Variants in CNGB3 observed in about 807,000 individuals in gnomAD.
CNGB3 encodes the protein cyclic nucleotide gated channel subunit beta 3.
A neutral mutation model predicts 92.8 loss-of-function variants in CNGB3; 86 were observed. The ratio of observed to expected loss-of-function variants is 0.93; its 90% CI spans 0.78 to 1.11. The LOEUF (loss-of-function observed/expected upper bound fraction) is 1.11. Among genes scored for constraint, CNGB3 ranks in the 50% least tolerant of loss-of-function variants. The probability of loss-of-function intolerance (pLI) is 0.00; values close to 1 mark genes in which losing one functional copy is unlikely to be tolerated. For missense variants in CNGB3, 1,026 were observed against 956.8 expected, an observed-to-expected ratio of 1.07 and a Z score of -0.95; for synonymous variants, 333 against 332.7, an observed-to-expected ratio of 1.00 and a Z score of -0.01.
intron 15 of CNGB3, among the ~76,000 whole-genome samples, chr8:86,590,236 T>C (rs1375033381): frequency 2.0e-5 from 3 of 152,086 alleles, no homozygotes; most frequent in Non-Finnish European, 4.4e-5. Context: ...TGTGTGTCTC[T>C]GCATGTGAGA....
intron 10 of CNGB3, among the ~76,000 whole-genome samples, chr8:86,640,766 C>G (rs1823166422): frequency 3.2e-5 from 1 of 31,410 alleles, no homozygotes; most frequent in African/African-American, 3.4e-4. Context: ...AACTTTTTCT[C>G]TAAAATGGTT....
At chr8:86,577,440 A>G (rs756640062) in intron 17 of CNGB3, among the ~76,000 whole-genome samples, 1 of 152,220 alleles carries the variant, frequency 6.6e-6, no homozygotes, top group Non-Finnish European at 1.5e-5. Flanking sequence ...GTCTGTATAT[A>G]TACAGTTGAT....
Position 86,646,692 on chromosome 8 carries a change from G to A in CNGB3, c.990+1109C>T, listed in dbSNP as rs564534544. On this transcript the variant is annotated intron_variant, in intron 8 of 17. Coordinates refer to ENST00000320005, the MANE Select transcript of CNGB3 (RefSeq NM_019098.5). ...TCTTGTCTTCCCAAGATGCAAAATA[G>A]ATAATTACCTACAATTTATAAAGTC... Among the ~76,000 whole-genome samples the A allele has an allele frequency of 2.0e-5, 3 of 151,234 alleles. No homozygotes were observed. The East Asian group carries it at 5.8e-4, about 29-fold the overall frequency.
intron 3 of CNGB3, among the ~76,000 whole-genome samples, chr8:86,722,409 C>T (rs572047024): frequency 2.0e-5 from 3 of 152,118 alleles, no homozygotes; most frequent in African/African-American, 7.2e-5. Flanking sequence ...GTAAGTGTTT[C>T]ATTTGACAAG....
intron 6 of CNGB3, chr8:86,661,472 T>C: frequency 1.7e-6 from 1 of 602,788 alleles, no homozygotes; most frequent in Non-Finnish European, 3.2e-6. Context: ...CCCTGAGCTC[T>C]TTCATAAGTC....
At chr8:86,719,740 CA>C (rs1824930112) in intron 3 of CNGB3, among the ~76,000 whole-genome samples, 1 of 152,184 alleles carries the variant, frequency 6.6e-6, no homozygotes, top group Admixed American at 6.6e-5. Flanking sequence ...TACCCAACTT[CA>C]AGCTATGCTA....
Position 86,629,484 on chromosome 8 carries a change from A to C in CNGB3, c.1321-406T>G, listed in dbSNP as rs569597484. Among the ~76,000 whole-genome samples the C allele has an allele frequency of 1.5e-3, 221 of 152,334 alleles. 2 individuals are homozygous for C. The highest frequency in any genetic ancestry group is 6.8e-3 in the Middle Eastern group (2 of 294). ...AAAAATTATACAGCTGTGCTTATGC[A>C]AGGAGTGTGCAATAAAAGTTGAGCA... On this transcript the variant is annotated intron_variant, in intron 11 of 17. Transcript: ENST00000320005.
intron 14 of CNGB3, among the ~76,000 whole-genome samples, chr8:86,605,611 T>A (rs866116057): frequency 8.5e-5 from 13 of 152,366 alleles, no homozygotes; most frequent in Middle Eastern, 3.4e-3. Flanking sequence ...TTTTTATTTT[T>A]AAAAATATTT....
intron 13 of CNGB3, among the ~76,000 whole-genome samples, chr8:86,612,053 C>T (rs1822532015): frequency 6.6e-6 from 1 of 151,980 alleles, no homozygotes; most frequent in Non-Finnish European, 1.5e-5. Context: ...TATATTAGGA[C>T]CAACATAGAT....
intron 2 of CNGB3, among the ~76,000 whole-genome samples, chr8:86,736,888 C>T (rs528401666): frequency 5.5e-4 from 84 of 152,136 alleles, no homozygotes; most frequent in Non-Finnish European, 9.9e-4. Flanking sequence ...TTCAGTGACA[C>T]GTTATCCTAA....
At chr8:86,661,804 A>G (rs1219439308) in intron 6 of CNGB3, 2 of 1,576,380 alleles carry the variant, frequency 1.3e-6, no homozygotes, top group South Asian at 1.1e-5. Context: ...AACCACTTCA[A>G]TTGCTGACGA....
At chr8:86,736,133 A>G (rs1212983278) in intron 2 of CNGB3, among the ~76,000 whole-genome samples, 1 of 152,216 alleles carries the variant, frequency 6.6e-6, no homozygotes, top group Non-Finnish European at 1.5e-5. Context: ...CATGTTCTGC[A>G]GAAGATAAGA....
intron 10 of CNGB3, among the ~76,000 whole-genome samples, chr8:86,635,235 G>A (rs1033048732): frequency 6.6e-6 from 1 of 151,868 alleles, no homozygotes; most frequent in Non-Finnish European, 1.5e-5. Flanking sequence ...TTTGGTCACC[G>A]GTTTTGGACC....
intron 3 of CNGB3, chr8:86,704,429 G>C (rs985191333): frequency 1.3e-5 from 2 of 152,086 alleles, no homozygotes; most frequent in Non-Finnish European, 2.9e-5. Context: ...GTTTATGATG[G>C]GAACAGAAAG....
chr8:86,638,310 T>C (rs1052851608), intron 10 of CNGB3, among the ~76,000 whole-genome samples: 1 of 152,158 alleles, frequency 6.6e-6, no homozygotes, highest in African/African-American at 2.4e-5. Context: ...CTTTTTCCAA[T>C]ATGGTTTTAT....
At chr8:86,672,821 C>A (rs1002180266) in intron 3 of CNGB3, among the ~76,000 whole-genome samples, 1 of 152,124 alleles carries the variant, frequency 6.6e-6, no homozygotes, top group East Asian at 1.9e-4. Context: ...ATACTTCTTT[C>A]AAAGGTAAAC....
At chr8:86,670,907 T>A in intron 4 of CNGB3, 37 bp downstream of exon 4, 1 of 1,611,024 alleles carries the variant, frequency 6.2e-7, no homozygotes, top group Non-Finnish European at 8.5e-7. Flanking sequence ...CCCTCAGCAC[T>A]TCTTTCTTCC....
intron 10 of CNGB3, among the ~76,000 whole-genome samples, chr8:86,637,089 C>T (rs1027947979): frequency 2.2e-4 from 34 of 152,204 alleles, no homozygotes; most frequent in Non-Finnish European, 5.0e-4. Flanking sequence ...GTGCAGATGT[C>T]TCTTTGAGAT....
intron 7 of CNGB3, among the ~76,000 whole-genome samples, chr8:86,650,926 C>T (rs1823390101): frequency 6.6e-6 from 1 of 151,574 alleles, no homozygotes; most frequent in Non-Finnish European, 1.5e-5. Context: ...TGGCCATTGA[C>T]CAATGAGTGG....
Sources: allele counts gnomAD v4.1 joint callset (sites outside exome capture counted in the v4.1 genomes callset), GRCh38; gene constraint gnomAD v4.1.1; transcripts MANE v1.5; gene names NCBI Gene and HGNC (gene_info 2026-07-23, HGNC 2026-07-21).